CDH12: variants seen among roughly 807,000 people sequenced by gnomAD.
CDH12 encodes cadherin 12.
In CDH12, 41 loss-of-function variants were observed where a neutral mutation model predicts 74.1. The ratio of observed to expected loss-of-function variants is 0.55; its 90% CI spans 0.43 to 0.72. The LOEUF is 0.72. Ranked by LOEUF, CDH12 falls within the 30% of genes least tolerant of loss-of-function variation. The pLI, the probability that CDH12 is intolerant of heterozygous loss-of-function variation, is 0.00. For missense variants in CDH12, 945 were observed against 977.2 expected (o/e 0.97, Z 0.44); for synonymous variants, 399 against 355.0 (o/e 1.12, Z -1.39).
At chr5:22,085,562 T>G (rs1743008877) in intron 4 of CDH12, among the ~76,000 whole-genome samples, 1 of 152,102 alleles carries the variant, frequency 6.6e-6, no homozygotes, top group East Asian at 1.9e-4. Flanking sequence ...TCAAGGGCAC[T>G]TCTTAAAATT....
intron 8 of CDH12, among the ~76,000 whole-genome samples, chr5:21,836,462 AAC>A (rs60658949): frequency 0.15 from 22,037 of 143,186 alleles, 1,660 homozygotes; most frequent in Middle Eastern, 0.18. Context: ...TAGAAAGGAA[AAC>A]ACACACACAC....
At chr5:22,094,904 A>G (rs1260541175) in intron 4 of CDH12, among the ~76,000 whole-genome samples, 1 of 151,836 alleles carries the variant, frequency 6.6e-6, no homozygotes, top group Non-Finnish European at 1.5e-5. Flanking sequence ...TTTGACTGTA[A>G]TTTTCATTTA....
chr5:22,209,998 G>A (rs529686442), intron 4 of CDH12, among the ~76,000 whole-genome samples: 2 of 148,866 alleles, frequency 1.3e-5, no homozygotes, highest in African/African-American at 4.9e-5. Context: ...TTTCCTTCTG[G>A]AAAATGAGGG....
At chr5:21,891,800 T>C (rs1752911981) in intron 6 of CDH12, among the ~76,000 whole-genome samples, 1 of 152,060 alleles carries the variant, frequency 6.6e-6, no homozygotes, top group Admixed American at 6.6e-5. Context: ...TAAATGTACC[T>C]TATTAATTAT....
chr5:22,102,510 A>G (rs1744193148), intron 4 of CDH12, among the ~76,000 whole-genome samples: 1 of 152,110 alleles, frequency 6.6e-6, no homozygotes, highest in Admixed American at 6.6e-5. Flanking sequence ...CTCTACTAAA[A>G]ATACAAAAAT....
chr5:22,652,674 C>G (rs1023585901), intron 1 of CDH12, among the ~76,000 whole-genome samples: 2 of 152,022 alleles, frequency 1.3e-5, no homozygotes, highest in African/African-American at 4.8e-5. Flanking sequence ...TAGACTTTTA[C>G]AAGTACAAAT....
At chr5:22,592,530 C>T (rs2126801152) in intron 1 of CDH12, among the ~76,000 whole-genome samples, 1 of 152,180 alleles carries the variant, frequency 6.6e-6, no homozygotes, top group East Asian at 1.9e-4. Flanking sequence ...TTCTCTTTCT[C>T]CTCCTATTGC....
At chr5:21,811,709 C>CAT in intron 9 of CDH12, among the ~76,000 whole-genome samples, 1 of 139,140 alleles carries the variant, frequency 7.2e-6, no homozygotes, top group African/African-American at 2.6e-5. Flanking sequence ...ATAGGACAAG[C>CAT]TTTTTTTTTT....
chr5:22,293,281 C>A (rs1192114995), intron 3 of CDH12, among the ~76,000 whole-genome samples: 1 of 152,122 alleles, frequency 6.6e-6, no homozygotes, highest in Non-Finnish European at 1.5e-5. Flanking sequence ...CCCTACCCTC[C>A]TTTGTTTGGT....
chr5:22,037,827 G>A (rs1739290364), intron 5 of CDH12, among the ~76,000 whole-genome samples: 1 of 152,108 alleles, frequency 6.6e-6, no homozygotes, highest in Non-Finnish European at 1.5e-5. Flanking sequence ...GAACCCCAGT[G>A]AGCACAGAAA....
At chr5:22,683,360 G>T (rs1741594686) in intron 1 of CDH12, among the ~76,000 whole-genome samples, 1 of 152,030 alleles carries the variant, frequency 6.6e-6, no homozygotes, top group East Asian at 1.9e-4. Flanking sequence ...GAGATTCAGG[G>T]TTATTTCAGT....
intron 2 of CDH12, among the ~76,000 whole-genome samples, chr5:22,427,810 C>G (rs537651021): frequency 1.6e-4 from 24 of 152,060 alleles, no homozygotes; most frequent in Admixed American, 6.6e-4. Flanking sequence ...TCTATTTTAT[C>G]GAAGGTTCCC....
At chr5:21,970,706 G>A (rs1756805766) in intron 6 of CDH12, among the ~76,000 whole-genome samples, 1 of 151,408 alleles carries the variant, frequency 6.6e-6, no homozygotes, top group Admixed American at 6.6e-5. Flanking sequence ...TGAGTGTGGT[G>A]GTGCACACCT....
intron 6 of CDH12, among the ~76,000 whole-genome samples, chr5:21,908,234 G>A (rs1196449971): frequency 6.6e-6 from 1 of 152,194 alleles, no homozygotes; most frequent in East Asian, 1.9e-4. Flanking sequence ...GGAATTTGGA[G>A]AGAAACTGAG....
intron 3 of CDH12, among the ~76,000 whole-genome samples, chr5:22,279,422 A>G (rs147830643): frequency 6.6e-6 from 1 of 152,148 alleles, no homozygotes; most frequent in Admixed American, 6.5e-5. Flanking sequence ...CATGTGCACA[A>G]CGTGCAGGTT....
intron 1 of CDH12, among the ~76,000 whole-genome samples, chr5:22,667,916 G>T (rs983582113): frequency 6.6e-6 from 1 of 152,080 alleles, no homozygotes; most frequent in African/African-American, 2.4e-5. Flanking sequence ...AAATAAATGT[G>T]CTTAATATCA....
intron 3 of CDH12, among the ~76,000 whole-genome samples, chr5:22,283,205 GATATAT>G (rs1229134274): frequency 1.9e-5 from 2 of 107,986 alleles, no homozygotes; most frequent in Non-Finnish European, 3.7e-5. Context: ...ACATCTGTGA[GATATAT>G]ATATAGATAT....
intron 3 of CDH12, among the ~76,000 whole-genome samples, chr5:22,350,899 G>A (rs1740331835): frequency 6.6e-6 from 1 of 152,150 alleles, no homozygotes; most frequent in Admixed American, 6.5e-5. Context: ...ATCTAGCAGA[G>A]GAGTAGAGAG....
chr5:21,951,183 C>T (rs948242463), intron 6 of CDH12, among the ~76,000 whole-genome samples: 12 of 152,000 alleles, frequency 7.9e-5, no homozygotes, highest in African/African-American at 2.4e-4. Context: ...GTTTTCAATA[C>T]GATTAAGCAA....
Sources: gnomAD v4.1 joint callset for allele counts (sites outside exome capture counted in the v4.1 genomes callset) on GRCh38, gnomAD v4.1.1 for gene constraint, MANE v1.5 for transcripts, NCBI Gene and HGNC (gene_info 2026-07-23, HGNC 2026-07-21) for gene names.